Variants in MED13 observed in about 807,000 individuals in gnomAD.
MED13 encodes mediator complex subunit 13.
In MED13, 23 loss-of-function variants were observed where a neutral mutation model predicts 225.2. The ratio of observed to expected loss-of-function variants is 0.10; its 90% confidence interval spans 0.07 to 0.14. MED13 has a LOEUF of 0.14. Among genes scored for constraint, MED13 ranks in the 10% least tolerant of loss-of-function variants. The probability of loss-of-function intolerance (pLI) is 1.00; values close to 1 mark genes in which losing one functional copy is unlikely to be tolerated. For missense variants in MED13, 2,197 were observed against 2,594.5 expected (o/e 0.85, Z 3.33); for synonymous variants, 942 against 889.2 (o/e 1.06, Z -1.06).
At chr17:61,960,120 T>A (rs532266294) in intron 23 of MED13, among the ~76,000 whole-genome samples, 39 of 152,214 alleles carry the variant, frequency 2.6e-4, no homozygotes, top group African/African-American at 7.5e-4. Context: ...ATGTTTCAAG[T>A]CTCTACTAAA....
intron 3 of MED13, among the ~76,000 whole-genome samples, chr17:62,042,916 G>A (rs912883379): frequency 6.6e-6 from 1 of 152,010 alleles, no homozygotes; most frequent in Non-Finnish European, 1.5e-5. Flanking sequence ...TTGAGAGGCT[G>A]AGGCTGGAGG....
chr17:62,051,342 G>A (rs1253672155), intron 3 of MED13, among the ~76,000 whole-genome samples: 19 of 152,160 alleles, frequency 1.2e-4, no homozygotes, highest in Non-Finnish European at 2.4e-4. Flanking sequence ...TGTAAAAATG[G>A]CACAGAGAAA....
chr17:62,063,679 A>G (rs1239097569), intron 1 of MED13, among the ~76,000 whole-genome samples: 1 of 152,188 alleles, frequency 6.6e-6, no homozygotes, highest in Non-Finnish European at 1.5e-5. Flanking sequence ...ATTATTAAAG[A>G]CCCTATCATG....
chr17:61,963,202 CAAAAAAAAAAAA>C lies in MED13; in HGVS notation c.4845-243_4845-232del, dbSNP rs11290002. Among the ~76,000 whole-genome samples the C allele has an allele frequency of 1.9e-3, 104 of 55,802 alleles. 2 individuals carry two copies. Among genetic ancestry groups the C allele is most frequent in the African/African-American group, 6.9e-3 (95 of 13,814 alleles). 36.6% of individuals were successfully genotyped at this position (55,802 alleles called of 152,430 possible). A position where few individuals can be genotyped will look rare whatever the true frequency, so the allele number is the denominator to read the frequency against. On this transcript the variant is annotated intron_variant, in intron 20 of 29. Transcript: ENST00000397786. ...TTAAGAGGTCTTGCCTTAAATTTACCAAAAAAAAAAAAAAAAAAAAAAAAAAAAGAAAGAAAA... is the reference window on the plus strand; with the variant it reads ...TTAAGAGGTCTTGCCTTAAATTTACCAAAAAAAAAAAAAAAAGAAAGAAAA...
chr17:62,019,270 C>T (rs1014269797), intron 8 of MED13, among the ~76,000 whole-genome samples: 1 of 152,166 alleles, frequency 6.6e-6, no homozygotes, highest in African/African-American at 2.4e-5. Context: ...CAATGCCACT[C>T]AATTAGCTTT....
intron 2 of MED13, among the ~76,000 whole-genome samples, chr17:62,059,620 T>A (rs1248410852): frequency 1.3e-5 from 2 of 152,106 alleles, no homozygotes; most frequent in Admixed American, 1.3e-4. Flanking sequence ...GCTGCTCTCT[T>A]CTCAGGGGAG....
rs16945796 is a variant in MED13, at chr17:62,033,751, C to T, written c.814+36G>A. ...AATATAACTAACACATACAATCATG[C>T]ATTTTCCCCTTAGGAATAATACTCA... On this transcript the variant is annotated intron_variant, in intron 5 of 29. Coordinates refer to ENST00000397786, the MANE Select transcript of MED13 (RefSeq NM_005121.3). 4.0e-3 allele frequency: 6,289 copies of T among 1,585,526 alleles called. 217 individuals carry two copies. In the African/African-American group the frequency reaches 0.073, roughly 18 times the overall value.
chr17:62,053,362 C>T (rs1038866221), intron 2 of MED13, among the ~76,000 whole-genome samples: 4 of 152,154 alleles, frequency 2.6e-5, no homozygotes, highest in African/African-American at 9.7e-5. Flanking sequence ...GTAAATGGCA[C>T]TTCTGTCAAA....
At chr17:61,960,354 C>T (rs568085831) in intron 23 of MED13, among the ~76,000 whole-genome samples, 7 of 152,044 alleles carry the variant, frequency 4.6e-5, no homozygotes, top group African/African-American at 1.7e-4. Context: ...CTGCAACCTC[C>T]GCCTCCCAGA....
chr17:62,014,310 T>TATATATATATATATA (rs1555638734), intron 8 of MED13, among the ~76,000 whole-genome samples: 3,144 of 142,844 alleles, frequency 0.022, 168 homozygotes, highest in African/African-American at 0.08. Flanking sequence ...GTATATGTTT[T>TATATATATATATATA]TATATATATA....
chr17:61,966,418 A>G (rs754207540), intron 19 of MED13, 44 bp downstream of exon 19: 1 of 1,477,586 alleles, frequency 6.8e-7, no homozygotes, highest in South Asian at 1.3e-5. Flanking sequence ...AGCAGGCCAC[A>G]TTTTGCTAAC....
chr17:61,950,348 G>C (rs2079886001), intron 28 of MED13, among the ~76,000 whole-genome samples: 1 of 150,650 alleles, frequency 6.6e-6, no homozygotes, highest in East Asian at 1.9e-4. Context: ...TTTGACTTAG[G>C]AATAAAGTTC....
chr17:61,943,878 A>C lies in MED13; in HGVS notation c.*2590T>G, dbSNP rs979976597. ...AAAGATGTTAGCACTGTAACAAAGA[A>C]GTCAAGGTGTTGGTAATCCACTGCT... On this transcript the variant is annotated 3_prime_UTR_variant, in exon 30 of 30. Transcript: ENST00000397786. The C allele has an allele frequency of 1.3e-5, 2 of 152,592 alleles. No individual in the cohort carries two copies. The highest frequency in any genetic ancestry group is 2.9e-5 in the Non-Finnish European group (2 of 68,010). 9.5% of individuals were successfully genotyped at this position (152,592 alleles called of 1,614,324 possible).
intron 9 of MED13, among the ~76,000 whole-genome samples, chr17:61,998,167 CATCA>C (rs2080361956): frequency 6.6e-6 from 1 of 152,170 alleles, no homozygotes; most frequent in Non-Finnish European, 1.5e-5. Flanking sequence ...ATACTGTCAA[CATCA>C]ATTATATAGT....
At chr17:62,029,041 A>G (rs973172193) in intron 8 of MED13, among the ~76,000 whole-genome samples, 3 of 150,128 alleles carry the variant, frequency 2.0e-5, no homozygotes, top group South Asian at 4.3e-4. Context: ...CATGCCTATA[A>G]CCCTAGCTAC....
intron 9 of MED13, among the ~76,000 whole-genome samples, chr17:62,002,277 G>A (rs186246813): frequency 3.9e-5 from 6 of 152,200 alleles, no homozygotes; most frequent in Admixed American, 3.9e-4. Flanking sequence ...ATCACCTGAG[G>A]TAGGGAGTTC....
At chr17:62,031,156 T>G (rs2080751819) in intron 6 of MED13, 1 of 223,772 alleles carries the variant, frequency 4.5e-6, no homozygotes, top group African/African-American at 2.3e-5. Flanking sequence ...TAGGAGAGTG[T>G]CCTTAATTCT....
At chr17:62,048,043 C>CATATACATATAT (rs776069700) in intron 3 of MED13, among the ~76,000 whole-genome samples, 293 of 130,978 alleles carry the variant, frequency 2.2e-3, no homozygotes, top group East Asian at 0.01. Flanking sequence ...TATACATATA[C>CATATACATATAT]ATATATATAT....
chr17:62,027,694 A>G (rs2143663235), intron 8 of MED13, among the ~76,000 whole-genome samples: 1 of 152,300 alleles, frequency 6.6e-6, no homozygotes, highest in African/African-American at 2.4e-5. Context: ...CAAATGTCTA[A>G]TATCCAGTAT....
Sources: gnomAD v4.1 joint callset for allele counts (sites outside exome capture counted in the v4.1 genomes callset) on GRCh38, gnomAD v4.1.1 for gene constraint, MANE v1.5 for transcripts, NCBI Gene and HGNC (gene_info 2026-07-23, HGNC 2026-07-21) for gene names.